Variants in ZNF431 observed in about 807,000 individuals in gnomAD.
ZNF431 encodes zinc finger protein 431.
A neutral mutation model predicts 57.0 loss-of-function variants in ZNF431; 34 were observed. The observed-to-expected ratio is 0.60, with a 90% CI of 0.45 to 0.79. The LOEUF is 0.79. Among genes scored for constraint, ZNF431 ranks in the 30% least tolerant of loss-of-function variants. The pLI, the probability that ZNF431 is intolerant of heterozygous loss-of-function variation, is 0.00. For synonymous variants in ZNF431, 207 were observed against 220.3 expected, an observed-to-expected ratio of 0.94 and a Z score of 0.54; for missense variants, 607 against 667.1, an observed-to-expected ratio of 0.91 and a Z score of 0.99.
At position 21,188,899 on chromosome 19, in the gene ZNF431, A is replaced by G. The variant is rs972298341; in HGVS notation, c.*4865A>G. On this transcript the variant is annotated 3_prime_UTR_variant, in exon 5 of 5. Transcript: ENST00000311048. ...GCCCCAAGCTTAAAGTAAAAATCCT[A>G]AAGTACGTTGGCTCCTCCCATGCAA... The G allele has an allele frequency of 6.6e-6, 1 of 152,164 alleles. No homozygotes were observed. The highest frequency in any genetic ancestry group is 1.5e-5 in the Non-Finnish European group (1 of 68,040). 9.4% of individuals were successfully genotyped at this position (152,164 alleles called of 1,614,324 possible).
At chr19:21,155,830 T>C (rs886267626) in intron 2 of ZNF431, among the ~76,000 whole-genome samples, 1 of 152,098 alleles carries the variant, frequency 6.6e-6, no homozygotes, top group Non-Finnish European at 1.5e-5. Flanking sequence ...AAGGAAGATA[T>C]CCCAGAGCCC....
At position 21,194,637 on chromosome 19, in the gene ZNF431, T is replaced by G. The variant is rs1239792762; in HGVS notation, c.*10603T>G. 6.6e-6 allele frequency: 1 copy of G among 151,936 alleles called. No homozygotes were observed. The highest frequency in any genetic ancestry group is 1.5e-5 in the Non-Finnish European group (1 of 68,016). The allele number at this position is 151,936 out of a possible 1,614,324, so 9.4% of individuals were successfully genotyped here. A position where few individuals can be genotyped will look rare whatever the true frequency, so the allele number is the denominator to read the frequency against. ...GTGCCCACCAGCACACCTGGCTAAT[T>G]TTTATGTTTTTAGTAGAGATCGAGT... On this transcript the variant is annotated 3_prime_UTR_variant, in exon 5 of 5. Coordinates refer to ENST00000311048, the MANE Select transcript of ZNF431 (RefSeq NM_133473.4).
In ZNF431 at chr19:21,183,744, G is replaced by C. The variant is rs755888493; in HGVS notation, c.1441G>C (p.Glu481Gln). 1 of 1,613,894 alleles carries C rather than the reference G, an allele frequency of 6.2e-7. No homozygotes were observed. Among genetic ancestry groups the C allele is most frequent in the South Asian group, 1.1e-5 (1 of 91,072 alleles). Residue 481 changes from glutamate (E) to glutamine (Q), a missense_variant, in exon 5 of 5, where the codon GAG becomes CAG. By Grantham distance (29) the Glu-to-Gln change is conservative. Coordinates refer to ENST00000311048, the MANE Select transcript of ZNF431 (RefSeq NM_133473.4). ...LTTHKRIHTG[E>Q]KPYKCEECGK... Reference sequence around the variant, plus strand: ...TACACATAAGAGAATTCACACTGGAGAGAAACCCTACAAATGTGAAGAATG... The same window carrying C: ...TACACATAAGAGAATTCACACTGGACAGAAACCCTACAAATGTGAAGAATG...
chr19:21,181,019 G>C (rs138985520), intron 4 of ZNF431, among the ~76,000 whole-genome samples: 20 of 150,008 alleles, frequency 1.3e-4, no homozygotes, highest in Admixed American at 2.7e-4. Context: ...ATTTGTCATT[G>C]ATGTTGCTAA....
intron 3 of ZNF431, among the ~76,000 whole-genome samples, chr19:21,167,267 TCTC>T (rs1970747991): frequency 6.6e-6 from 1 of 151,944 alleles, no homozygotes. Context: ...TCCAAGCAAT[TCTC>T]CTCCTTAGCC....
At position 21,183,774 on chromosome 19, in the gene ZNF431, A is replaced by T; in HGVS notation, c.1471A>T (p.Lys491Ter). Residue 491 changes from lysine (K) to a stop codon, truncating the protein, a stop_gained, in exon 5 of 5, where the codon AAA (lysine) becomes TAA (stop). Coordinates refer to ENST00000311048, the MANE Select transcript of ZNF431 (RefSeq NM_133473.4). LOFTEE classifies it high-confidence loss of function. The stretch of plus-strand genomic sequence containing the variant: ...ACCCTACAAATGTGAAGAATGTGGC[A>T]AAGCTTTTAACCGATCCTCAAATCT... ...EKPYKCEECGKAFNRSSNLTK... is the reference protein window; with the variant it reads ...EKPYKCEECG The T allele has an allele frequency of 6.2e-7, 1 of 1,614,028 alleles. No homozygotes were observed. The highest frequency in any genetic ancestry group is 8.5e-7 in the Non-Finnish European group (1 of 1,179,978).
In ZNF431 at chr19:21,143,545, C is replaced by A; in HGVS notation, c.4-6C>A. 6.2e-7 allele frequency: 1 copy of A among 1,611,124 alleles called. No homozygotes were observed. Among genetic ancestry groups the A allele is most frequent in the South Asian group, 1.1e-5 (1 of 91,028 alleles). On this transcript the variant is annotated splice_polypyrimidine_tract_variant and splice_region_variant and intron_variant, in intron 1 of 4. Coordinates refer to ENST00000311048, the MANE Select transcript of ZNF431 (RefSeq NM_133473.4). ...ATATCAGCTTCTGGTTTATTTTCTT[C>A]CATAGGACGACTTGAAATATGGAGT...
At position 21,186,763 on chromosome 19, in the gene ZNF431, T is replaced by C. The variant is rs1434208208; in HGVS notation, c.*2729T>C. 1 of 152,198 alleles carries C rather than the reference T, an allele frequency of 6.6e-6. No homozygotes were observed. Among genetic ancestry groups the C allele is most frequent in the Non-Finnish European group, 1.5e-5 (1 of 68,026 alleles). The allele number at this position is 152,198 out of a possible 1,614,324, so 9.4% of individuals were successfully genotyped here. ...GCTGGTCTGCGATTATAAGAATTTT[T>C]ATGAAATTTAGTGCACACAAAATAA... On this transcript the variant is annotated 3_prime_UTR_variant, in exon 5 of 5. Transcript: ENST00000311048.
chr19:21,169,622 C>T (rs1970824844), intron 4 of ZNF431, among the ~76,000 whole-genome samples: 1 of 152,054 alleles, frequency 6.6e-6, no homozygotes, highest in South Asian at 2.1e-4. Flanking sequence ...AATTGTAATT[C>T]CCATTTTATT....
intron 1 of ZNF431, 85 bp downstream of exon 1, chr19:21,142,271 C>A: frequency 6.3e-7 from 1 of 1,581,448 alleles, no homozygotes; most frequent in Non-Finnish European, 8.7e-7. Context: ...ACTCAGGCCT[C>A]CCCGCAGTCA....
rs1011301800 is a variant in ZNF431, at chr19:21,195,167, A to G, written c.*11133A>G. 6.6e-6 allele frequency: 1 copy of G among 152,238 alleles called. No individual in the cohort carries two copies. Among genetic ancestry groups the G allele is most frequent in the Non-Finnish European group, 1.5e-5 (1 of 68,038 alleles). The allele number at this position is 152,238 out of a possible 1,614,324, so 9.4% of individuals were successfully genotyped here. On this transcript the variant is annotated 3_prime_UTR_variant, in exon 5 of 5. Transcript: ENST00000311048. ...GAGCAGTTAAGAATCGCAGATGTCA[A>G]ATGGCCAACACAGAATCTAACGACA...
intron 2 of ZNF431, among the ~76,000 whole-genome samples, chr19:21,152,753 T>C (rs1272811311): frequency 6.6e-6 from 1 of 152,154 alleles, no homozygotes; most frequent in Non-Finnish European, 1.5e-5. Context: ...CTCAGGCATA[T>C]GCACACCACT....
rs371657777 is a variant in ZNF431 at position 21,187,966 on chromosome 19, A to G, written c.*3932A>G. The G allele has an allele frequency of 3.9e-5, 6 of 152,188 alleles. No individual in the cohort carries two copies. In the East Asian group the frequency reaches 1.2e-3, roughly 30 times the overall value. The allele number at this position is 152,188 out of a possible 1,614,324, so 9.4% of individuals were successfully genotyped here. ...TTTAACTGTAGAGTTTGCTTATCAG[A>G]ACAGTTAAAAGGCAGCCAGGTGTGG... is the stretch of plus-strand genomic sequence containing the variant. On this transcript the variant is annotated 3_prime_UTR_variant, in exon 5 of 5. Transcript: ENST00000311048.
chr19:21,144,258 G>T (rs1396028596), intron 2 of ZNF431, among the ~76,000 whole-genome samples: 1 of 151,828 alleles, frequency 6.6e-6, no homozygotes, highest in Non-Finnish European at 1.5e-5. Flanking sequence ...GCTGCAGAAG[G>T]ATTGATCTTG....
chr19:21,149,580 C>CTTT (rs34768153), intron 2 of ZNF431: 35 of 197,924 alleles, frequency 1.8e-4, no homozygotes, highest in Admixed American at 4.0e-4. Flanking sequence ...CAATTTCTTT[C>CTTT]TTTTTTTTGA....
chr19:21,174,283 T>G (rs1970988980), intron 4 of ZNF431, among the ~76,000 whole-genome samples: 1 of 152,212 alleles, frequency 6.6e-6, no homozygotes. Flanking sequence ...GCCTGTTTTC[T>G]GTTTTCTTAC....
chr19:21,183,123 A>G lies in ZNF431; in HGVS notation c.820A>G (p.Thr274Ala), dbSNP rs1379801575. The change falls in exon 5 of 5, where the codon ACC (threonine) becomes GCC (alanine). Residue 274 changes from threonine (T) to alanine (A), a missense_variant. Thr to Ala is a moderately conservative substitution (Grantham distance 58, BLOSUM62 0). Transcript: ENST00000311048. ...ECGKAFKQSS[T>A]LTTHKIIHTG... ...TGGCAAAGCTTTTAAGCAGTCCTCA[A>G]CCCTTACTACACATAAGATAATTCA... 1.2e-6 allele frequency: 2 copies of G among 1,613,582 alleles called. No individual in the cohort carries two copies. The highest frequency in any genetic ancestry group is 1.3e-5 in the African/African-American group (1 of 74,828).
At chr19:21,142,351 G>T (rs771177636) in intron 1 of ZNF431, among the ~76,000 whole-genome samples, 165 bp downstream of exon 1, 4 of 152,180 alleles carry the variant, frequency 2.6e-5, no homozygotes, top group Non-Finnish European at 4.4e-5. Context: ...ATAAGATGGC[G>T]GCTGTGCTGA....
At chr19:21,157,733 AC>A (rs1359161879) in intron 2 of ZNF431, among the ~76,000 whole-genome samples, 6 of 151,354 alleles carry the variant, frequency 4.0e-5, no homozygotes, top group Non-Finnish European at 8.8e-5. Context: ...ACGGGGTTTC[AC>A]CATGTTGGCC....
Sources: allele counts gnomAD v4.1 joint callset (sites outside exome capture counted in the v4.1 genomes callset), GRCh38; gene constraint gnomAD v4.1.1; transcripts MANE v1.5; gene names NCBI Gene and HGNC (gene_info 2026-07-23, HGNC 2026-07-21).